The following UBR3 variants were observed in gnomAD, a reference collection of about 807,000 sequenced individuals.
The protein encoded by UBR3 is E3 ubiquitin-protein ligase UBR3.
A neutral mutation model predicts 243.2 loss-of-function variants in UBR3; 85 were observed. That is an observed-to-expected ratio of 0.35 (90% CI 0.29 to 0.42). UBR3 has a LOEUF of 0.42. UBR3 is among the 10% of genes least tolerant of loss of function. UBR3 has a pLI of 1.00. For missense variants in UBR3, 1,686 were observed against 2,300.8 expected, an observed-to-expected ratio of 0.73 and a Z score of 5.47; for synonymous variants, 748 against 799.8, an observed-to-expected ratio of 0.94 and a Z score of 1.09.
chr2:169,911,005 T>G (rs1380543866), intron 10 of UBR3, among the ~76,000 whole-genome samples: 1 of 152,136 alleles, frequency 6.6e-6, no homozygotes, highest in Non-Finnish European at 1.5e-5. Flanking sequence ...CTGTAAAATA[T>G]AAAACTTAAG....
rs1353111989 is a variant in UBR3 at position 170,083,644 on chromosome 2, G to C, written c.*1801G>C. 6.6e-6 allele frequency: 1 copy of C among 152,438 alleles called. No individual in the cohort carries two copies. 9.4% of individuals were successfully genotyped at this position (152,438 alleles called of 1,614,324 possible). ...TGAAACTCTGATGCTATATATACAT[G>C]GTATAATGTATTCAGACTTTGATTA... On this transcript the variant is annotated 3_prime_UTR_variant, in exon 39 of 39. Transcript: ENST00000272793.
chr2:170,037,875 GTA>G (rs2090871502), intron 31 of UBR3, among the ~76,000 whole-genome samples: 1 of 151,986 alleles, frequency 6.6e-6, no homozygotes, highest in East Asian at 1.9e-4. Context: ...GTTCTTAGTA[GTA>G]TATAATTCTT....
intron 19 of UBR3, among the ~76,000 whole-genome samples, chr2:169,938,861 C>A (rs982481841): frequency 6.6e-6 from 1 of 152,082 alleles, no homozygotes. Flanking sequence ...AGTGGTCCAA[C>A]TTAATTCTTA....
At position 169,827,577 on chromosome 2, in the gene UBR3, C is replaced by T; in HGVS notation, c.70C>T (p.Leu24=). The change falls in exon 1 of 39, where the codon CTG becomes TTG. Residue 24 remains leucine (L), a synonymous_variant. Coordinates refer to ENST00000272793, the MANE Select transcript of UBR3 (RefSeq NM_172070.4). ...PSQPELPAPG[L]ALDKAATAAH... is the part of the protein sequence containing the mutation. Reference sequence around the variant, plus strand: ...ACAGCCCGAGCTGCCCGCGCCGGGGCTGGCCCTAGACAAGGCGGCCACCGC... The same window carrying T: ...ACAGCCCGAGCTGCCCGCGCCGGGGTTGGCCCTAGACAAGGCGGCCACCGC... 8.1e-7 allele frequency: 1 copy of T among 1,238,858 alleles called. No homozygotes were observed. The highest frequency in any genetic ancestry group is 1.0e-6 in the Non-Finnish European group (1 of 994,482). 76.7% of individuals were successfully genotyped at this position (1,238,858 alleles called of 1,614,324 possible). A position where few individuals can be genotyped will look rare whatever the true frequency, so the allele number is the denominator to read the frequency against.
At chr2:169,834,673 TG>T (rs2082029809) in intron 1 of UBR3, among the ~76,000 whole-genome samples, 1 of 152,232 alleles carries the variant, frequency 6.6e-6, no homozygotes, top group African/African-American at 2.4e-5. Flanking sequence ...AGGACTATTT[TG>T]AAGCAAATAT....
chr2:169,972,548 T>A (rs911761488), intron 24 of UBR3, among the ~76,000 whole-genome samples: 3 of 151,104 alleles, frequency 2.0e-5, no homozygotes, highest in Non-Finnish European at 4.5e-5. Flanking sequence ...CAGCAGCACA[T>A]CAAAAAGCTT....
At chr2:169,898,179 TGAG>T (rs1398431904) in intron 8 of UBR3, among the ~76,000 whole-genome samples, 1 of 152,202 alleles carries the variant, frequency 6.6e-6, no homozygotes, top group African/African-American at 2.4e-5. Context: ...CTCCATTCTC[TGAG>T]GAGGAGAAAT....
At chr2:169,934,371 A>G (rs891424397) in intron 19 of UBR3, among the ~76,000 whole-genome samples, 7 of 152,314 alleles carry the variant, frequency 4.6e-5, no homozygotes, top group East Asian at 1.9e-4. Context: ...GTTACTAGAA[A>G]TTTGTACTGA....
intron 32 of UBR3, among the ~76,000 whole-genome samples, chr2:170,047,035 C>G (rs889500820): frequency 9.9e-5 from 15 of 152,274 alleles, no homozygotes; most frequent in African/African-American, 3.4e-4. Flanking sequence ...TGTTCTGTTG[C>G]CCAGGCTGGA....
Position 169,906,177 on chromosome 2 carries a change from TATTTTTGTTA to T in UBR3, c.1779+18_1779+27del. ...TTGTAAAGTTAGGGTATGTTGGAAA[TATTTTTGTTA>T]ATTTCTGTGTTTAAGAAAAAGACTT... On this transcript the variant is annotated intron_variant, in intron 10 of 38. Coordinates refer to ENST00000272793, the MANE Select transcript of UBR3 (RefSeq NM_172070.4). 6.6e-7 allele frequency: 1 copy of T among 1,526,424 alleles called. No homozygotes were observed. The highest frequency in any genetic ancestry group is 1.3e-5 in the South Asian group (1 of 79,092). The allele number at this position is 1,526,424 out of a possible 1,614,324, so 94.6% of individuals were successfully genotyped here.
At chr2:170,057,761 T>G (rs73019572) in intron 33 of UBR3, among the ~76,000 whole-genome samples, 6,513 of 152,162 alleles carry the variant, frequency 0.043, 154 homozygotes, top group Middle Eastern at 0.062. Context: ...ATCAGAACAT[T>G]AATTAGAAGT....
chr2:169,890,189 T>G (rs1046721406), intron 5 of UBR3, among the ~76,000 whole-genome samples: 2 of 152,010 alleles, frequency 1.3e-5, no homozygotes, highest in Admixed American at 1.3e-4. Flanking sequence ...CTAAGAAAAT[T>G]AGAAATGAGC....
chr2:170,074,174 G>A (rs1028777920), intron 36 of UBR3, among the ~76,000 whole-genome samples: 1 of 152,106 alleles, frequency 6.6e-6, no homozygotes, highest in Non-Finnish European at 1.5e-5. Flanking sequence ...TAATTCTGGT[G>A]TCTTTTTAGT....
chr2:170,000,143 AAAAAC>A (rs1350072039), intron 26 of UBR3, among the ~76,000 whole-genome samples: 1 of 149,196 alleles, frequency 6.7e-6, no homozygotes, highest in Non-Finnish European at 1.5e-5. Flanking sequence ...AAAAACCTCA[AAAAAC>A]AAAACAAAAA....
At chr2:169,853,730 G>A (rs1401149356) in intron 1 of UBR3, among the ~76,000 whole-genome samples, 2 of 151,948 alleles carry the variant, frequency 1.3e-5, no homozygotes, top group Non-Finnish European at 2.9e-5. Flanking sequence ...GATTATAGGA[G>A]TGAGCCATCG....
chr2:170,057,071 G>T (rs2091350907), intron 33 of UBR3, among the ~76,000 whole-genome samples: 2 of 150,202 alleles, frequency 1.3e-5, no homozygotes, highest in African/African-American at 4.9e-5. Flanking sequence ...CTTGTTGCTG[G>T]TTAATTCTTG....
At chr2:169,860,374 A>G in intron 1 of UBR3, among the ~76,000 whole-genome samples, 1 of 152,164 alleles carries the variant, frequency 6.6e-6, no homozygotes, top group South Asian at 2.1e-4. Context: ...AAGCTACATT[A>G]GTGTGGGTTC....
chr2:170,018,382 A>T (rs1380503676), intron 30 of UBR3, among the ~76,000 whole-genome samples: 1 of 152,142 alleles, frequency 6.6e-6, no homozygotes, highest in African/African-American at 2.4e-5. Context: ...GCTATGAGCC[A>T]TGTGCGTTAG....
chr2:170,034,844 A>G (rs1232856324), intron 31 of UBR3, among the ~76,000 whole-genome samples: 1 of 151,956 alleles, frequency 6.6e-6, no homozygotes, highest in Non-Finnish European at 1.5e-5. Context: ...TGGTATTATC[A>G]GTGTTCTAGA....
Sources: allele counts gnomAD v4.1 joint callset (sites outside exome capture counted in the v4.1 genomes callset), GRCh38; gene constraint gnomAD v4.1.1; transcripts MANE v1.5; gene names NCBI Gene and HGNC (gene_info 2026-07-23, HGNC 2026-07-21).